Variants in PFKFB3 observed in about 807,000 individuals in gnomAD.
PFKFB3 encodes the protein 6-phosphofructo-2-kinase/fructose-2,6-biphosphatase 3, also known as 6-phosphofructo-2-kinase/fructose-2,6-bisphosphatase 3.
In PFKFB3, 33 loss-of-function variants were observed where a neutral mutation model predicts 68.0. The observed-to-expected ratio is 0.49, with a 90% CI of 0.37 to 0.65. The LOEUF (loss-of-function observed/expected upper bound fraction) is 0.65. PFKFB3 is among the 30% of genes least tolerant of loss of function. The pLI is 0.00. For synonymous variants in PFKFB3, 315 were observed against 288.2 expected (o/e 1.09, Z -0.94); for missense variants, 586 against 712.2 (o/e 0.82, Z 2.02).
the PFKFB3 span, among the ~76,000 whole-genome samples, chr10:6,308,635 G>A: frequency 1.4e-5 from 2 of 147,256 alleles, no homozygotes; most frequent in Admixed American, 1.4e-4. Context: ...GGCGCTAAAG[G>A]CATGTTCTCT....
upstream of PFKFB3, chr10:6,202,784 G>A: frequency 1.4e-6 from 1 of 705,710 alleles, no homozygotes; most frequent in Non-Finnish European, 1.8e-6. Context: ...CCCGCAGGGG[G>A]AGCTCGCAGG....
the PFKFB3 span, among the ~76,000 whole-genome samples, chr10:6,298,068 G>C: frequency 8.5e-5 from 13 of 152,310 alleles, no homozygotes; most frequent in African/African-American, 1.7e-4. Context: ...CAGAAAGAAG[G>C]GGGGAGGAAG....
the PFKFB3 span, among the ~76,000 whole-genome samples, chr10:6,295,803 C>T: frequency 6.6e-6 from 1 of 152,180 alleles, no homozygotes; most frequent in African/African-American, 2.4e-5. Context: ...TTTCCCCCTC[C>T]TCTGCTGGAA....
chr10:6,160,718 CAAAAA>C lies in PFKFB3; in HGVS notation c.16+15722_16+15726del, dbSNP rs538580465. ...GGGCGACAAGAGCAAGACTCTGTCT[CAAAAA>C]AAAAAAAAAAAAAAAAGAGGATGAA... On this transcript the variant is annotated intron_variant, in intron 1 of 14. Transcript: ENST00000379789. 6.4e-5 allele frequency among the ~76,000 whole-genome samples: 5 copies of C among 78,662 alleles called. No individual in the cohort carries two copies. The East Asian group carries it at 1.4e-3, about 23-fold the overall frequency. 51.6% of individuals were successfully genotyped at this position (78,662 alleles called of 152,430 possible). A position where few individuals can be genotyped will look rare whatever the true frequency, so the allele number is the denominator to read the frequency against.
chr10:6,262,493 A>G, the PFKFB3 span, among the ~76,000 whole-genome samples: 1 of 145,698 alleles, frequency 6.9e-6, no homozygotes, highest in African/African-American at 2.5e-5. Flanking sequence ...GTCTTTGGAT[A>G]TTTTCAATGT....
chr10:6,265,064 A>C, the PFKFB3 span, among the ~76,000 whole-genome samples: 2 of 146,410 alleles, frequency 1.4e-5, no homozygotes, highest in African/African-American at 5.0e-5. Context: ...TTAACTTGGC[A>C]TAGTTTCTTT....
chr10:6,150,756 G>A (rs989836849), intron 1 of PFKFB3, among the ~76,000 whole-genome samples: 1 of 152,120 alleles, frequency 6.6e-6, no homozygotes, highest in African/African-American at 2.4e-5. Flanking sequence ...CCAGCTCTTC[G>A]GGAGGCCGAG....
chr10:6,166,818 CTTCTTTTTT>C (rs760392217), intron 1 of PFKFB3, among the ~76,000 whole-genome samples: 73 of 129,726 alleles, frequency 5.6e-4, no homozygotes, highest in Non-Finnish European at 6.1e-4. Flanking sequence ...AGCCCTTCTT[CTTCTTTTTT>C]TTTTTTTTTT....
intron 5 of PFKFB3, 144 bp downstream of exon 5, chr10:6,216,924 G>A (rs1564629766): frequency 1.2e-6 from 1 of 807,874 alleles, no homozygotes; most frequent in Non-Finnish European, 2.1e-6. Context: ...TGCTGCCCAC[G>A]TTTTGTGGCC....
chr10:6,262,317 G>T, the PFKFB3 span, among the ~76,000 whole-genome samples: 1 of 151,310 alleles, frequency 6.6e-6, no homozygotes, highest in Non-Finnish European at 1.5e-5. Flanking sequence ...AGCCGGGTGG[G>T]GTGGGGGGTG....
chr10:6,285,952 C>T, the PFKFB3 span, among the ~76,000 whole-genome samples: 1 of 145,546 alleles, frequency 6.9e-6, no homozygotes. Context: ...ATCCATTCAT[C>T]TGTTGACCAT....
At chr10:6,257,758 C>G (rs1007055121), downstream of PFKFB3, among the ~76,000 whole-genome samples, 1 of 152,056 alleles carries the variant, frequency 6.6e-6, no homozygotes, top group African/African-American at 2.4e-5. Flanking sequence ...CCTAGGACAA[C>G]CTTGTGAAGG....
At chr10:6,183,490 A>G (rs2131797471) in intron 1 of PFKFB3, among the ~76,000 whole-genome samples, 1 of 152,054 alleles carries the variant, frequency 6.6e-6, no homozygotes, top group East Asian at 1.9e-4. Context: ...GGTAGGTGGC[A>G]GTGAAAACTG....
the PFKFB3 span, among the ~76,000 whole-genome samples, chr10:6,266,334 CTGTA>C: frequency 1.2e-4 from 19 of 152,188 alleles, no homozygotes; most frequent in Non-Finnish European, 8.8e-5. Context: ...AGGCTGGCTC[CTGTA>C]TCCTTCGGCA....
chr10:6,187,726 G>A (rs4750065), intron 1 of PFKFB3, among the ~76,000 whole-genome samples: 44,511 of 152,048 alleles, frequency 0.29, 7,117 homozygotes, highest in Admixed American at 0.43. Context: ...GCTCAGAAGT[G>A]TGCACCTTCC....
chr10:6,184,510 A>G lies in PFKFB3; in HGVS notation c.17-29113A>G, dbSNP rs192536556. On this transcript the variant is annotated intron_variant, in intron 1 of 14. Coordinates refer to the PFKFB3 transcript ENST00000379789. ...TTTGAGATGGAGTCTCACTCTTGTC[A>G]CCCAGGCTGGAGTGCAATGGTGTGA... 2.5e-3 allele frequency among the ~76,000 whole-genome samples: 369 copies of G among 149,694 alleles called. 2 individuals carry two copies. Among genetic ancestry groups the G allele is most frequent in the African/African-American group, 7.9e-3 (322 of 40,680 alleles).
chr10:6,256,422 C>T (rs1846497186), downstream of PFKFB3, among the ~76,000 whole-genome samples: 1 of 152,156 alleles, frequency 6.6e-6, no homozygotes, highest in Non-Finnish European at 1.5e-5. Flanking sequence ...CAAGGATGTG[C>T]ATGACAGTAC....
chr10:6,156,766 G>C (rs1036867410), intron 1 of PFKFB3, among the ~76,000 whole-genome samples: 4 of 151,656 alleles, frequency 2.6e-5, no homozygotes, highest in African/African-American at 7.3e-5. Flanking sequence ...GATTAGAGTT[G>C]TGAGCCACTG....
the PFKFB3 span, among the ~76,000 whole-genome samples, chr10:6,268,145 G>A: frequency 5.3e-5 from 8 of 151,978 alleles, no homozygotes; most frequent in African/African-American, 1.9e-4. Flanking sequence ...CACAGGCAGA[G>A]CCCCTAAGGT....
Sources: allele counts gnomAD v4.1 joint callset (sites outside exome capture counted in the v4.1 genomes callset), GRCh38; gene constraint gnomAD v4.1.1; transcripts MANE v1.5; gene names NCBI Gene and HGNC (gene_info 2026-07-23, HGNC 2026-07-21).